SHC3: variants seen among roughly 807,000 people sequenced by gnomAD.
SHC3 encodes SHC adaptor protein 3.
A neutral mutation model predicts 60.4 loss-of-function variants in SHC3; 15 were observed. The observed-to-expected ratio is 0.25, with a 90% confidence interval of 0.17 to 0.38. The LOEUF is 0.38. SHC3 is among the 10% of genes least tolerant of loss of function. The pLI, the probability that SHC3 is intolerant of heterozygous loss-of-function variation, is 1.00. For synonymous variants in SHC3, 294 were observed against 325.9 expected (o/e 0.90, Z 1.05); for missense variants, 677 against 786.1 (o/e 0.86, Z 1.66).
At chr9:89,072,660 C>T (rs372729756) in intron 4 of SHC3, among the ~76,000 whole-genome samples, 3 of 152,120 alleles carry the variant, frequency 2.0e-5, no homozygotes, top group African/African-American at 7.2e-5. Context: ...ATAAGTCTTC[C>T]ATGCTAATTT....
intron 2 of SHC3, among the ~76,000 whole-genome samples, chr9:89,096,588 T>C (rs2118068521): frequency 6.6e-6 from 1 of 152,364 alleles, no homozygotes; most frequent in South Asian, 2.1e-4. Flanking sequence ...CAAGCCCTCT[T>C]TTTGTACATT....
chr9:89,094,338 C>T (rs140094230), intron 2 of SHC3, among the ~76,000 whole-genome samples: 2 of 152,172 alleles, frequency 1.3e-5, no homozygotes, highest in East Asian at 3.9e-4. Context: ...AGAAGAGTTG[C>T]CCACGTTCTC....
intron 9 of SHC3, among the ~76,000 whole-genome samples, chr9:89,044,809 T>C (rs927579436): frequency 6.6e-6 from 1 of 152,244 alleles, no homozygotes; most frequent in Non-Finnish European, 1.5e-5. Flanking sequence ...ATCTGACTTA[T>C]AGACAGTTAT....
intron 7 of SHC3, among the ~76,000 whole-genome samples, chr9:89,050,540 C>T (rs754731238): frequency 2.0e-5 from 3 of 152,210 alleles, no homozygotes; most frequent in African/African-American, 4.8e-5. Flanking sequence ...CCCGCCTTGG[C>T]CTCCCAAAGT....
chr9:89,070,008 C>T (rs17526720), intron 5 of SHC3, among the ~76,000 whole-genome samples: 8,612 of 152,258 alleles, frequency 0.057, 341 homozygotes, highest in Admixed American at 0.1. Context: ...GGTCCTCAAC[C>T]TTGAAATGAA....
At chr9:89,041,970 G>C (rs1262831733) in intron 10 of SHC3, 56 bp downstream of exon 10, 5 of 1,600,146 alleles carry the variant, frequency 3.1e-6, no homozygotes, top group Non-Finnish European at 4.3e-6. Context: ...CAAATAAAAG[G>C]CAGGATAAAA....
At chr9:89,015,424 A>AATT (rs1162962458) in intron 11 of SHC3, among the ~76,000 whole-genome samples, 2 of 152,374 alleles carry the variant, frequency 1.3e-5, no homozygotes, top group South Asian at 2.1e-4. Context: ...GCCCCAGGCC[A>AATT]ATTCCATAAG....
chr9:89,154,331 G>A (rs779378690), intron 1 of SHC3, among the ~76,000 whole-genome samples: 7 of 152,166 alleles, frequency 4.6e-5, no homozygotes, highest in Non-Finnish European at 7.3e-5. Context: ...TTAGAGTTAA[G>A]TAAAGTTGTC....
At chr9:89,138,566 T>A (rs1826350955) in intron 1 of SHC3, among the ~76,000 whole-genome samples, 1 of 152,224 alleles carries the variant, frequency 6.6e-6, no homozygotes, top group Non-Finnish European at 1.5e-5. Flanking sequence ...AAGGTCTTTA[T>A]GACCTGTGTC....
At chr9:89,111,793 G>A (rs552806159) in intron 2 of SHC3, among the ~76,000 whole-genome samples, 1 of 152,158 alleles carries the variant, frequency 6.6e-6, no homozygotes, top group South Asian at 2.1e-4. Flanking sequence ...TAAATATGAG[G>A]CATTTTTCTG....
At chr9:89,054,811 G>T (rs1195569519) in intron 6 of SHC3, among the ~76,000 whole-genome samples, 1 of 152,202 alleles carries the variant, frequency 6.6e-6, no homozygotes, top group African/African-American at 2.4e-5. Context: ...CTGCCCACTG[G>T]GGAAACTCGT....
intron 11 of SHC3, among the ~76,000 whole-genome samples, chr9:89,028,721 G>T (rs766398748): frequency 4.2e-5 from 6 of 141,466 alleles, no homozygotes; most frequent in African/African-American, 1.3e-4. Flanking sequence ...TATCTATATA[G>T]AGAATATATA....
At chr9:89,096,696 T>C (rs1313580846) in intron 2 of SHC3, among the ~76,000 whole-genome samples, 1 of 152,222 alleles carries the variant, frequency 6.6e-6, no homozygotes, top group Non-Finnish European at 1.5e-5. Context: ...GTAGCGCAGC[T>C]GTTTTAACCC....
intron 11 of SHC3, among the ~76,000 whole-genome samples, chr9:89,022,283 G>A (rs1043306506): frequency 1.3e-5 from 2 of 152,058 alleles, no homozygotes; most frequent in African/African-American, 4.8e-5. Flanking sequence ...CAGGAAGGGA[G>A]GGTTGGGGGA....
chr9:89,130,621 C>T (rs896635250), intron 1 of SHC3, among the ~76,000 whole-genome samples: 4 of 152,228 alleles, frequency 2.6e-5, no homozygotes, highest in Non-Finnish European at 5.9e-5. Context: ...TCACTCAAAA[C>T]TGCTCAACTA....
chr9:89,064,287 A>G (rs1420771612), intron 6 of SHC3, among the ~76,000 whole-genome samples: 1 of 152,192 alleles, frequency 6.6e-6, no homozygotes, highest in Non-Finnish European at 1.5e-5. Flanking sequence ...GCCCTCAAGC[A>G]CCAAAAATGG....
At position 89,008,060 on chromosome 9, in the gene SHC3, A is replaced by G. The variant is rs1447294969; in HGVS notation, c.*5387T>C. The G allele has an allele frequency of 3.9e-5, 6 of 152,246 alleles. No homozygotes were observed. Among genetic ancestry groups the G allele is most frequent in the African/African-American group, 1.4e-4 (6 of 41,456 alleles). The allele number at this position is 152,246 out of a possible 1,614,324, so 9.4% of individuals were successfully genotyped here. On this transcript the variant is annotated 3_prime_UTR_variant, in exon 12 of 12. Coordinates refer to ENST00000375835, the MANE Select transcript of SHC3 (RefSeq NM_016848.6). ...TTTTAATCAATGTAAGTATATGCGT[A>G]TATGTATATACATATGCAATTCACA...
intron 11 of SHC3, among the ~76,000 whole-genome samples, chr9:89,027,417 T>C (rs1414671938): frequency 1.3e-5 from 2 of 151,280 alleles, no homozygotes; most frequent in Non-Finnish European, 2.9e-5. Context: ...CCCCCCGGGT[T>C]CACGCCATTC....
chr9:89,051,163 C>T (rs1010796179), intron 7 of SHC3, among the ~76,000 whole-genome samples: 1 of 152,110 alleles, frequency 6.6e-6, no homozygotes, highest in African/African-American at 2.4e-5. Flanking sequence ...AGAACTAAGG[C>T]ATAGAAGAAT....
Sources: gnomAD v4.1 joint callset for allele counts (sites outside exome capture counted in the v4.1 genomes callset) on GRCh38, gnomAD v4.1.1 for gene constraint, MANE v1.5 for transcripts, NCBI Gene and HGNC (gene_info 2026-07-23, HGNC 2026-07-21) for gene names.